The following SLC4A4 variants were observed in gnomAD, a reference collection of about 807,000 sequenced individuals.
The protein encoded by SLC4A4 is solute carrier family 4 member 4.
A neutral mutation model predicts 111.5 loss-of-function variants in SLC4A4; 27 were observed. That is an observed-to-expected ratio of 0.24 (90% CI 0.18 to 0.33). The LOEUF (loss-of-function observed/expected upper bound fraction) is 0.33. Ranked by LOEUF, SLC4A4 falls within the 10% of genes least tolerant of loss-of-function variation. The pLI, the probability that SLC4A4 is intolerant of heterozygous loss-of-function variation, is 1.00. For synonymous variants in SLC4A4, 443 were observed against 463.4 expected (o/e 0.96, Z 0.57); for missense variants, 909 against 1,315.5 (o/e 0.69, Z 4.78).
intron 2 of SLC4A4, among the ~76,000 whole-genome samples, chr4:71,145,307 A>G (rs560014918): frequency 6.6e-6 from 1 of 152,284 alleles, no homozygotes; most frequent in South Asian, 2.1e-4. Flanking sequence ...CCACTTGATC[A>G]TGGTGGATAA....
In SLC4A4 at chr4:71,262,245, G is replaced by A. The variant is rs182839680; in HGVS notation, c.253+6846G>A. On this transcript the variant is annotated intron_variant, in intron 3 of 25. Transcript: ENST00000264485. Reference sequence around the variant, plus strand: ...AAGGAAATAATTCTTAAAGAACAAGGGTTCTTAATACCAGGGATTTAAATT... The same window carrying A: ...AAGGAAATAATTCTTAAAGAACAAGAGTTCTTAATACCAGGGATTTAAATT... Among the ~76,000 whole-genome samples the A allele has an allele frequency of 8.5e-5, 13 of 152,222 alleles. No homozygotes were observed. The East Asian group carries it at 2.3e-3, about 27-fold the overall frequency.
At chr4:71,402,877 T>C (rs1172171052) in intron 7 of SLC4A4, among the ~76,000 whole-genome samples, 1 of 152,212 alleles carries the variant, frequency 6.6e-6, no homozygotes, top group Non-Finnish European at 1.5e-5. Context: ...ATTTTTTCCC[T>C]GTCTACAAGA....
intron 2 of SLC4A4, among the ~76,000 whole-genome samples, chr4:71,147,224 T>C (rs1744200213): frequency 1.3e-5 from 2 of 152,196 alleles, no homozygotes; most frequent in South Asian, 4.1e-4. Flanking sequence ...TGAATTTTGT[T>C]GTTTAACAAG....
At position 71,245,255 on chromosome 4, in the gene SLC4A4, T is replaced by C. The variant is rs531263568; in HGVS notation, c.73+8606T>C. 2.0e-5 allele frequency among the ~76,000 whole-genome samples: 3 copies of C among 152,320 alleles called. No individual in the cohort carries two copies. In the East Asian group the frequency reaches 5.8e-4, roughly 29 times the overall value. On this transcript the variant is annotated intron_variant, in intron 2 of 25. Coordinates refer to ENST00000264485, the MANE Select transcript of SLC4A4 (RefSeq NM_001098484.3). ...TATGTTATGCTAAATATTAGCATTTTATTGAGTGTGCACTAAGGAAACATT... is the reference window on the plus strand; with the variant it reads ...TATGTTATGCTAAATATTAGCATTTCATTGAGTGTGCACTAAGGAAACATT...
chr4:71,244,295 C>T (rs1046038611), intron 2 of SLC4A4, among the ~76,000 whole-genome samples: 1 of 152,152 alleles, frequency 6.6e-6, no homozygotes, highest in African/African-American at 2.4e-5. Flanking sequence ...TCTGCCACTG[C>T]CTTTCTGCAT....
At chr4:71,404,716 A>C (rs1005764297) in intron 7 of SLC4A4, among the ~76,000 whole-genome samples, 2 of 152,198 alleles carry the variant, frequency 1.3e-5, no homozygotes, top group Admixed American at 1.3e-4. Flanking sequence ...AAAACCAGAA[A>C]ACAGCAATAC....
intron 2 of SLC4A4, among the ~76,000 whole-genome samples, chr4:71,176,065 A>G (rs1045525633): frequency 1.3e-5 from 2 of 152,182 alleles, no homozygotes; most frequent in Non-Finnish European, 2.9e-5. Context: ...CCAGGCAAAC[A>G]TGGTCTGGAG....
At chr4:71,177,934 GCA>G (rs1745150893) in intron 2 of SLC4A4, among the ~76,000 whole-genome samples, 1 of 152,176 alleles carries the variant, frequency 6.6e-6, no homozygotes, top group Non-Finnish European at 1.5e-5. Context: ...TGGAAGTAAA[GCA>G]CTCCTCAGCA....
At chr4:71,174,680 C>T (rs929602132) in intron 2 of SLC4A4, among the ~76,000 whole-genome samples, 3 of 152,132 alleles carry the variant, frequency 2.0e-5, no homozygotes, top group Non-Finnish European at 4.4e-5. Context: ...ACCTATTTTT[C>T]TCTATTTTAT....
chr4:71,418,665 A>G (rs969883632), intron 7 of SLC4A4, among the ~76,000 whole-genome samples: 1 of 152,232 alleles, frequency 6.6e-6, no homozygotes, highest in African/African-American at 2.4e-5. Flanking sequence ...TAACAACAAA[A>G]CAAAAATATG....
chr4:71,284,878 G>A lies in SLC4A4; in HGVS notation c.253+29479G>A, dbSNP rs550224898. Among the ~76,000 whole-genome samples the A allele has an allele frequency of 5.3e-5, 8 of 152,280 alleles. No homozygotes were observed. In the South Asian group the frequency reaches 1.7e-3, roughly 32 times the overall value. On this transcript the variant is annotated intron_variant, in intron 3 of 25. Transcript: ENST00000264485. ...TGGTTTCCTGATGTTCCCTGACTTA[G>A]ACACTTTGGGTAACTACGTGCCCAC...
intron 16 of SLC4A4, among the ~76,000 whole-genome samples, chr4:71,512,278 T>C (rs1578082621): frequency 1.3e-5 from 2 of 152,270 alleles, no homozygotes; most frequent in Non-Finnish European, 2.9e-5. Context: ...ATAAAACATT[T>C]CCTCTTTCTC....
In SLC4A4 at chr4:71,133,792, C is replaced by T. The variant is rs554282099; in HGVS notation, c.-2+41000C>T. On this transcript the variant is annotated intron_variant, in intron 2 of 26. Transcript: ENST00000649996. ...CTTATGGCTGTCGCTGCCCTGATAC[C>T]GAACTTGGCACCCCCGTTGCTCAAA... Among the ~76,000 whole-genome samples the T allele has an allele frequency of 2.8e-4, 42 of 152,268 alleles. 1 individual carries two copies. Among genetic ancestry groups the T allele is most frequent in the South Asian group, 1.2e-3 (6 of 4,820 alleles).
chr4:71,333,454 T>TA (rs1195257045), intron 3 of SLC4A4, among the ~76,000 whole-genome samples: 1 of 152,190 alleles, frequency 6.6e-6, no homozygotes, highest in Non-Finnish European at 1.5e-5. Flanking sequence ...CCTGTGGTCA[T>TA]TACTACTGGG....
rs539945205 is a variant in SLC4A4, at chr4:71,462,112, G to C, written c.1498-4332G>C. 2.0e-5 allele frequency among the ~76,000 whole-genome samples: 3 copies of C among 152,220 alleles called. No individual in the cohort carries two copies. In the East Asian group the frequency reaches 5.8e-4, roughly 29 times the overall value. On this transcript the variant is annotated intron_variant, in intron 12 of 25. Coordinates refer to ENST00000264485, the MANE Select transcript of SLC4A4 (RefSeq NM_001098484.3). ...TCTTAAAGGAAAGAGAAATAATAGA[G>C]AGAGGCTGAAAAGAAGGTGGTGAAA...
chr4:71,170,005 C>A (rs2148981868), intron 2 of SLC4A4, among the ~76,000 whole-genome samples: 1 of 152,316 alleles, frequency 6.6e-6, no homozygotes, highest in Non-Finnish European at 1.5e-5. Context: ...CTTTGTTCCT[C>A]AACCCTCAAG....
At chr4:71,178,950 C>T (rs545489176) in intron 2 of SLC4A4, among the ~76,000 whole-genome samples, 11 of 152,272 alleles carry the variant, frequency 7.2e-5, no homozygotes, top group Non-Finnish European at 1.6e-4. Flanking sequence ...ATGCAAAAAT[C>T]CTCAATAAAA....
At chr4:71,551,006 A>G (rs1423167096) in intron 20 of SLC4A4, among the ~76,000 whole-genome samples, 1 of 151,922 alleles carries the variant, frequency 6.6e-6, no homozygotes, top group African/African-American at 2.4e-5. Flanking sequence ...TTGGGAAGCA[A>G]GAATAACTGG....
At chr4:71,186,853 G>A (rs913505607), upstream of SLC4A4, 2 of 152,216 alleles carry the variant, frequency 1.3e-5, no homozygotes, top group African/African-American at 4.8e-5. Context: ...CACTGCTGCA[G>A]TGTTAGTTAC....
Sources: allele counts gnomAD v4.1 joint callset (sites outside exome capture counted in the v4.1 genomes callset), GRCh38; gene constraint gnomAD v4.1.1; transcripts MANE v1.5; gene names NCBI Gene and HGNC (gene_info 2026-07-23, HGNC 2026-07-21).